Variants in SHTN1 observed in about 807,000 individuals in gnomAD.
SHTN1 encodes the protein shootin 1, also known as shootin-1.
SHTN1 carries 42 observed loss-of-function variants against 83.1 expected under a neutral mutation model. That is an observed-to-expected ratio of 0.51 (90% CI 0.39 to 0.65). The LOEUF (loss-of-function observed/expected upper bound fraction) is 0.65, where lower values mean the gene tolerates loss of function less well. Ranked by LOEUF, SHTN1 falls within the 30% of genes least tolerant of loss-of-function variation. The pLI is 0.00. For missense variants in SHTN1, 622 were observed against 737.8 expected, an observed-to-expected ratio of 0.84 and a Z score of 1.82; for synonymous variants, 224 against 247.7, an observed-to-expected ratio of 0.90 and a Z score of 0.90.
chr10:116,896,299 T>C (rs1259988899), intron 16 of SHTN1, among the ~76,000 whole-genome samples: 1 of 152,186 alleles, frequency 6.6e-6, no homozygotes, highest in African/African-American at 2.4e-5. Context: ...CCCACACTGA[T>C]GTATACTGGG....
chr10:116,901,175 G>GT, intron 16 of SHTN1: 3 of 985,378 alleles, frequency 3.0e-6, no homozygotes, highest in Non-Finnish European at 3.6e-6. Context: ...AGCTGCCATT[G>GT]TTATAAAACA....
chr10:116,966,299 C>A (rs546322371), intron 3 of SHTN1, among the ~76,000 whole-genome samples: 2 of 152,304 alleles, frequency 1.3e-5, no homozygotes, highest in South Asian at 4.1e-4. Flanking sequence ...TGAGCCACTG[C>A]GCCTGGCCAA....
intron 7 of SHTN1, among the ~76,000 whole-genome samples, 188 bp from the exon 8 acceptor site, chr10:116,945,206 A>G (rs761110299): frequency 3.3e-5 from 5 of 152,196 alleles, no homozygotes; most frequent in Non-Finnish European, 7.3e-5. Flanking sequence ...CAAAAATCTA[A>G]AACTATTCAT....
intron 2 of SHTN1, among the ~76,000 whole-genome samples, chr10:117,018,489 G>A (rs1458508315): frequency 1.3e-5 from 2 of 148,422 alleles, no homozygotes; most frequent in Non-Finnish European, 3.0e-5. Context: ...CTGATAAAGG[G>A]TGTATGTGTA....
intron 14 of SHTN1, among the ~76,000 whole-genome samples, chr10:116,907,150 C>A (rs988108931): frequency 6.6e-6 from 1 of 152,192 alleles, no homozygotes; most frequent in African/African-American, 2.4e-5. Context: ...AGCTACTAAA[C>A]TGAAGTCACA....
chr10:117,110,262 A>T lies in SHTN1; in HGVS notation c.-189+16045T>A, dbSNP rs562532489. Among the ~76,000 whole-genome samples the T allele has an allele frequency of 7.4e-4, 113 of 152,342 alleles. 2 individuals are homozygous for T. The South Asian group carries it at 0.022, about 30-fold the overall frequency. ...GGCTTATTGTAATCCTCTATAAAAC[A>T]ACCCCAGAAACTGCATTCACACATT... On this transcript the variant is annotated intron_variant, in intron 1 of 17. Transcript: ENST00000392901.
intron 1 of SHTN1, among the ~76,000 whole-genome samples, chr10:117,063,598 T>C (rs754211072): frequency 1.8e-4 from 28 of 152,322 alleles, no homozygotes; most frequent in African/African-American, 2.2e-4. Context: ...TTAATTGATA[T>C]AGCTTCCTAT....
intron 1 of SHTN1, among the ~76,000 whole-genome samples, chr10:117,112,795 T>C (rs967530677): frequency 2.0e-5 from 3 of 152,216 alleles, no homozygotes; most frequent in African/African-American, 4.8e-5. Flanking sequence ...TGAATCATTA[T>C]GGGTAACTAG....
chr10:117,046,303 G>C (rs969189962), intron 2 of SHTN1, among the ~76,000 whole-genome samples: 1 of 152,110 alleles, frequency 6.6e-6, no homozygotes, highest in African/African-American at 2.4e-5. Flanking sequence ...GAGTCATTAG[G>C]TAAATGCAAA....
chr10:116,922,785 C>A (rs966701730), intron 11 of SHTN1, among the ~76,000 whole-genome samples: 2 of 151,874 alleles, frequency 1.3e-5, no homozygotes, highest in African/African-American at 4.8e-5. Flanking sequence ...GCCAACATGG[C>A]AAAACCCTGT....
At chr10:116,956,036 C>G (rs1261037523) in intron 4 of SHTN1, among the ~76,000 whole-genome samples, 2 of 152,218 alleles carry the variant, frequency 1.3e-5, no homozygotes, top group African/African-American at 4.8e-5. Flanking sequence ...AATTCTCAAA[C>G]TATCCCATCT....
chr10:117,065,701 AAGCGAGAGAG>A (rs1209247606), intron 1 of SHTN1, among the ~76,000 whole-genome samples: 3 of 65,726 alleles, frequency 4.6e-5, no homozygotes, highest in Non-Finnish European at 1.2e-4. Context: ...CTGGGCAACA[AAGCGAGAGAG>A]AGAGAGAGAG....
intron 1 of SHTN1, among the ~76,000 whole-genome samples, chr10:117,071,210 A>C (rs1277026199): frequency 6.6e-6 from 1 of 152,144 alleles, no homozygotes; most frequent in East Asian, 1.9e-4. Context: ...ATCAATAATT[A>C]TGATGTTTCC....
At chr10:116,916,792 G>A (rs1848399766) in intron 12 of SHTN1, among the ~76,000 whole-genome samples, 1 of 152,178 alleles carries the variant, frequency 6.6e-6, no homozygotes, top group Non-Finnish European at 1.5e-5. Context: ...TCCACAATAA[G>A]GGATCACTGC....
chr10:117,000,458 G>A (rs975757204), intron 1 of SHTN1, among the ~76,000 whole-genome samples: 2 of 152,110 alleles, frequency 1.3e-5, no homozygotes, highest in South Asian at 2.1e-4. Context: ...GTGAAAAGAG[G>A]TTTAAAATTG....
At chr10:117,068,049 G>A (rs7078160) in intron 1 of SHTN1, among the ~76,000 whole-genome samples, 29,688 of 152,050 alleles carry the variant, frequency 0.2, 3,175 homozygotes, top group East Asian at 0.43. Context: ...CTTGGGTTCA[G>A]AGCCCAAGAC....
At chr10:117,089,154 A>C (rs1673046420) in intron 1 of SHTN1, among the ~76,000 whole-genome samples, 1 of 152,194 alleles carries the variant, frequency 6.6e-6, no homozygotes, top group African/African-American at 2.4e-5. Flanking sequence ...GTGGCTGTTG[A>C]GGGTAGGAGA....
chr10:117,002,207 G>C (rs1242631936), intron 1 of SHTN1, among the ~76,000 whole-genome samples: 1 of 152,098 alleles, frequency 6.6e-6, no homozygotes, highest in Non-Finnish European at 1.5e-5. Flanking sequence ...TTTCTTCTAA[G>C]AATCTATCCT....
upstream of SHTN1, among the ~76,000 whole-genome samples, chr10:117,006,240 G>GT (rs11434853): frequency 0.87 from 128,087 of 147,272 alleles, 56,991 homozygotes; most frequent in Non-Finnish European, 0.97. Flanking sequence ...GTTTTTTTTT[G>GT]TTTTTTTTTT....
Sources: gnomAD v4.1 joint callset for allele counts (sites outside exome capture counted in the v4.1 genomes callset) on GRCh38, gnomAD v4.1.1 for gene constraint, MANE v1.5 for transcripts, NCBI Gene and HGNC (gene_info 2026-07-23, HGNC 2026-07-21) for gene names.